PLCE1: variants seen among roughly 807,000 people sequenced by gnomAD.
PLCE1 encodes the protein 1-phosphatidylinositol 4,5-bisphosphate phosphodiesterase epsilon-1.
A neutral mutation model predicts 242.8 loss-of-function variants in PLCE1; 119 were observed. The observed-to-expected ratio is 0.49, with a 90% CI of 0.42 to 0.57. The LOEUF (loss-of-function observed/expected upper bound fraction) is 0.57. Ranked by LOEUF, PLCE1 falls within the 20% of genes least tolerant of loss-of-function variation. The pLI is 0.00. For synonymous variants in PLCE1, 945 were observed against 1,017.4 expected (o/e 0.93, Z 1.35); for missense variants, 2,441 against 2,788.8 (o/e 0.88, Z 2.81).
intron 3 of PLCE1, among the ~76,000 whole-genome samples, chr10:94,162,420 C>T (rs888680228): frequency 1.3e-5 from 2 of 152,166 alleles, no homozygotes; most frequent in African/African-American, 4.8e-5. Context: ...TCCATTTCTT[C>T]TAGATTTTCT....
chr10:94,304,541 T>C lies in PLCE1; in HGVS notation c.5518T>C (p.Leu1840=). 1 of 1,614,036 alleles carries C rather than the reference T, an allele frequency of 6.2e-7. No homozygotes were observed. The highest frequency in any genetic ancestry group is 2.2e-5 in the East Asian group (1 of 44,880). The part of the protein sequence containing the change: ...FEANGGCGYV[L]KPPVLWDKNC... ...GGCAAATGGTGGTTGTGGTTATGTA[T>C]TGAAACCTCCAGTTCTGTGGGACAA... The change falls in exon 25 of 33, where the codon TTG becomes CTG. Residue 1840 remains leucine, a synonymous_variant. Transcript: ENST00000371380.
At chr10:94,064,490 C>T (rs1026931063) in intron 2 of PLCE1, among the ~76,000 whole-genome samples, 15 of 151,908 alleles carry the variant, frequency 9.9e-5, no homozygotes, top group African/African-American at 3.6e-4. Context: ...TGCAGTGAGC[C>T]GAGATTGTAC....
chr10:94,042,842 A>G (rs902242808), intron 2 of PLCE1, among the ~76,000 whole-genome samples: 6 of 152,248 alleles, frequency 3.9e-5, no homozygotes, highest in Non-Finnish European at 7.3e-5. Context: ...AGTCCAAAGC[A>G]AACTGCACAC....
intron 2 of PLCE1, chr10:94,107,007 A>G (rs1365242822): frequency 1.7e-5 from 2 of 117,698 alleles, no homozygotes; most frequent in African/African-American, 3.3e-5. Flanking sequence ...TTCCTTGGTT[A>G]TATAAAACCA....
At chr10:94,029,807 G>A (rs1236116004) in intron 1 of PLCE1, among the ~76,000 whole-genome samples, 1 of 152,160 alleles carries the variant, frequency 6.6e-6, no homozygotes, top group Non-Finnish European at 1.5e-5. Context: ...CAAAGCTGGT[G>A]TTGGCAGCAG....
intron 1 of PLCE1, among the ~76,000 whole-genome samples, chr10:94,027,735 C>T (rs1032429060): frequency 6.6e-6 from 1 of 152,082 alleles, no homozygotes; most frequent in Non-Finnish European, 1.5e-5. Flanking sequence ...GCAGGAGAAT[C>T]GCTTGAATCC....
chr10:94,305,631 T>C (rs1018528650), intron 25 of PLCE1, among the ~76,000 whole-genome samples: 2 of 152,196 alleles, frequency 1.3e-5, no homozygotes, highest in Non-Finnish European at 2.9e-5. Context: ...AGTAGCCCCT[T>C]TCCTATTTGT....
At chr10:94,187,240 A>G (rs777117748) in intron 4 of PLCE1, among the ~76,000 whole-genome samples, 10 of 151,770 alleles carry the variant, frequency 6.6e-5, no homozygotes, top group South Asian at 4.2e-4. Context: ...AGGAAATATC[A>G]TGAATAAAGA....
chr10:94,147,114 GT>G (rs1447526767), intron 3 of PLCE1, among the ~76,000 whole-genome samples: 3 of 151,090 alleles, frequency 2.0e-5, no homozygotes, highest in South Asian at 2.1e-4. Context: ...TTTAATCCCA[GT>G]TTTTTTTTCA....
intron 3 of PLCE1, among the ~76,000 whole-genome samples, chr10:94,156,410 A>C (rs973105331): frequency 6.6e-6 from 1 of 152,160 alleles, no homozygotes; most frequent in Non-Finnish European, 1.5e-5. Context: ...AGGTTCGATC[A>C]TTTGCACTAA....
chr10:94,179,605 A>T (rs2136424435), intron 4 of PLCE1, among the ~76,000 whole-genome samples: 1 of 144,054 alleles, frequency 6.9e-6, no homozygotes, highest in South Asian at 2.2e-4. Context: ...TCTCAGGCTC[A>T]AGCGATCCTC....
intron 3 of PLCE1, chr10:94,137,817 A>C: frequency 8.9e-6 from 2 of 223,986 alleles, no homozygotes; most frequent in South Asian, 1.5e-4. Context: ...GGACAAAGCC[A>C]CCCAATGAAG....
At chr10:94,260,009 A>G (rs1257815227) in intron 13 of PLCE1, among the ~76,000 whole-genome samples, 6 of 152,130 alleles carry the variant, frequency 3.9e-5, no homozygotes, top group African/African-American at 1.4e-4. Context: ...CCATGATTCA[A>G]CTACCTCCCA....
chr10:94,045,885 G>C (rs529353391), intron 2 of PLCE1, among the ~76,000 whole-genome samples: 1 of 152,124 alleles, frequency 6.6e-6, no homozygotes, highest in East Asian at 1.9e-4. Flanking sequence ...TGGATCACAA[G>C]GTCAGGAGAT....
At chr10:94,187,146 A>ATGTGTG (rs372501153) in intron 4 of PLCE1, among the ~76,000 whole-genome samples, 3,436 of 145,448 alleles carry the variant, frequency 0.024, 53 homozygotes, top group African/African-American at 0.045. Flanking sequence ...TGAAACATAT[A>ATGTGTG]TGTGTGTGTG....
chr10:94,283,536 AT>A (rs2052326285), intron 20 of PLCE1: 1 of 373,834 alleles, frequency 2.7e-6, no homozygotes, highest in Non-Finnish European at 5.2e-6. Flanking sequence ...ATGCCAGATT[AT>A]TTTGAATCAT....
rs189613952 is a variant in PLCE1, at chr10:94,283,911, G to A, written c.4917G>A (p.Lys1639=). 99 of 1,610,594 alleles carry A rather than the reference G, an allele frequency of 6.1e-5. No individual in the cohort carries two copies. The highest frequency in any genetic ancestry group is 1.7e-4 in the Middle Eastern group (1 of 6,044). ...ATAACTCTGCTTGCAACAAAGGAAA[G>A]GTGGGTGAACGGTTTCTGTTAAATG... ...KADNSACNKG[K]VYDMELGEEF... The change falls in exon 21 of 33, where the codon AAG becomes AAA. Residue 1639 remains lysine (K), a splice_region_variant and synonymous_variant. Transcript: ENST00000371380.
chr10:94,316,912 A>G (rs111932626), intron 29 of PLCE1, among the ~76,000 whole-genome samples, 156 bp downstream of exon 29: 4 of 152,362 alleles, frequency 2.6e-5, no homozygotes, highest in Admixed American at 6.5e-5. Flanking sequence ...ATTCTTCTGC[A>G]CATAATCAGA....
rs111846944 is a variant in PLCE1 at position 94,075,456 on chromosome 10, A to G, written c.1206+43204A>G. Among the ~76,000 whole-genome samples, 1,001 of 152,332 alleles carry G rather than the reference A, an allele frequency of 6.6e-3. 13 individuals are homozygous for G. Among genetic ancestry groups the G allele is most frequent in the African/African-American group, 0.023 (958 of 41,568 alleles). On this transcript the variant is annotated intron_variant, in intron 2 of 32. Coordinates refer to ENST00000371380, the MANE Select transcript of PLCE1 (RefSeq NM_016341.4). ...ATAATTGGTGTAAAATTAGGTGACAAATTTGTAAATGTGGATTTAGGGAGT... is the reference window on the plus strand; with the variant it reads ...ATAATTGGTGTAAAATTAGGTGACAGATTTGTAAATGTGGATTTAGGGAGT...
Sources: allele counts gnomAD v4.1 joint callset (sites outside exome capture counted in the v4.1 genomes callset), GRCh38; gene constraint gnomAD v4.1.1; transcripts MANE v1.5; gene names NCBI Gene and HGNC (gene_info 2026-07-23, HGNC 2026-07-21).